The following KCNIP3 variants were observed in gnomAD, a reference collection of about 807,000 sequenced individuals.
KCNIP3 encodes potassium voltage-gated channel interacting protein 3.
A neutral mutation model predicts 35.0 loss-of-function variants in KCNIP3; 28 were observed. The ratio of observed to expected loss-of-function variants is 0.80; its 90% confidence interval spans 0.59 to 1.10. The LOEUF is 1.10. KCNIP3 is among the 50% of genes least tolerant of loss of function. The pLI, the probability that KCNIP3 is intolerant of heterozygous loss-of-function variation, is 0.00. For synonymous variants in KCNIP3, 134 were observed against 133.8 expected (o/e 1.00, Z -0.01); for missense variants, 295 against 338.4 (o/e 0.87, Z 1.01).
At chr2:95,369,360 T>C (rs535177495) in intron 2 of KCNIP3, among the ~76,000 whole-genome samples, 1 of 152,346 alleles carries the variant, frequency 6.6e-6, no homozygotes, top group South Asian at 2.1e-4. Flanking sequence ...TTCAATTTGC[T>C]AATATTTTGT....
At chr2:95,366,425 C>T (rs1255273368) in intron 2 of KCNIP3, among the ~76,000 whole-genome samples, 1 of 152,158 alleles carries the variant, frequency 6.6e-6, no homozygotes, top group African/African-American at 2.4e-5. Context: ...TACCACAGCT[C>T]ATCCACTCAC....
chr2:95,352,200 G>T (rs1173694672), intron 2 of KCNIP3, among the ~76,000 whole-genome samples: 1 of 152,160 alleles, frequency 6.6e-6, no homozygotes, highest in Admixed American at 6.5e-5. Context: ...ATTGCAGTTT[G>T]CCAAGATCAC....
In KCNIP3 at chr2:95,374,916, A is replaced by T. The variant is rs562593465; in HGVS notation, c.375A>T (p.Gly125=). The T allele has an allele frequency of 6.2e-7, 1 of 1,613,804 alleles. No individual in the cohort carries two copies. Among genetic ancestry groups the T allele is most frequent in the African/African-American group, 1.3e-5 (1 of 75,022 alleles). Residue 125 remains glycine, a splice_region_variant and synonymous_variant, in exon 4 of 9, where the codon GGA becomes GGT. Coordinates refer to ENST00000295225, the MANE Select transcript of KCNIP3 (RefSeq NM_013434.5). ...TTTACGCGCAGTTCTTCCCTCAGGGAGGTGAGTCTGAGGCAGGGCAGCCCT... is the reference window on the plus strand; with the variant it reads ...TTTACGCGCAGTTCTTCCCTCAGGGTGGTGAGTCTGAGGCAGGGCAGCCCT... ...KLIYAQFFPQ[G]DATTYAHFLF...
chr2:95,385,578 G>A lies in KCNIP3; in HGVS notation c.*1529G>A, dbSNP rs1345982861. On this transcript the variant is annotated 3_prime_UTR_variant, in exon 9 of 9. Coordinates refer to ENST00000295225, the MANE Select transcript of KCNIP3 (RefSeq NM_013434.5). ...CAGCTCCACTCAGGGCTGGCCCGGG[G>A]AGTCCCCGTGTGCCCCAAGAGGCTA... The A allele has an allele frequency of 6.5e-6, 1 of 152,802 alleles. No homozygotes were observed. The highest frequency in any genetic ancestry group is 2.4e-5 in the African/African-American group (1 of 41,472). 9.5% of individuals were successfully genotyped at this position (152,802 alleles called of 1,614,324 possible). A position where few individuals can be genotyped will look rare whatever the true frequency, so the allele number is the denominator to read the frequency against.
intron 1 of KCNIP3, among the ~76,000 whole-genome samples, chr2:95,299,747 T>A (rs1677973676): frequency 6.6e-6 from 1 of 152,214 alleles, no homozygotes; most frequent in Non-Finnish European, 1.5e-5. Context: ...CAGGGCACTG[T>A]GCGAGATGGG....
At chr2:95,366,456 A>G (rs1327131558) in intron 2 of KCNIP3, among the ~76,000 whole-genome samples, 4 of 152,180 alleles carry the variant, frequency 2.6e-5, no homozygotes, top group Non-Finnish European at 5.9e-5. Context: ...GCATTTGTAT[A>G]TACAGTTTGG....
At chr2:95,305,099 C>A (rs905782805) in intron 1 of KCNIP3, among the ~76,000 whole-genome samples, 4 of 152,156 alleles carry the variant, frequency 2.6e-5, no homozygotes, top group African/African-American at 9.7e-5. Context: ...TGGCTTCACT[C>A]GTCTCTGCCA....
intron 2 of KCNIP3, among the ~76,000 whole-genome samples, chr2:95,372,952 G>A (rs376931771): frequency 8.5e-5 from 13 of 152,206 alleles, no homozygotes; most frequent in Admixed American, 2.0e-4. Flanking sequence ...CCACGCTCTC[G>A]GGAGAGGCCT....
intron 2 of KCNIP3, among the ~76,000 whole-genome samples, chr2:95,324,804 G>C (rs1455336706): frequency 1.4e-4 from 22 of 151,906 alleles, no homozygotes; most frequent in Non-Finnish European, 2.8e-4. Flanking sequence ...CCAGCTACTC[G>C]GGAGGTTGAG....
intron 2 of KCNIP3, among the ~76,000 whole-genome samples, chr2:95,349,669 TGG>T (rs1679463499): frequency 6.6e-6 from 1 of 152,188 alleles, no homozygotes; most frequent in Non-Finnish European, 1.5e-5. Context: ...CAGCAGGGCA[TGG>T]GCCTGGCCAG....
chr2:95,370,864 G>A (rs1391591680), intron 2 of KCNIP3, among the ~76,000 whole-genome samples: 1 of 151,850 alleles, frequency 6.6e-6, no homozygotes, highest in East Asian at 1.9e-4. Context: ...GGGCTCAAGC[G>A]ATTCTCATGC....
At position 95,312,619 on chromosome 2, in the gene KCNIP3, A is replaced by G. The variant is rs534568840; in HGVS notation, c.181+2099A>G. 5 of 152,348 alleles carry G rather than the reference A, an allele frequency of 3.3e-5. 1 individual carries two copies. The highest frequency in any genetic ancestry group is 2.1e-4 in the South Asian group (1 of 4,830). 9.4% of individuals were successfully genotyped at this position (152,348 alleles called of 1,614,324 possible). ...AGCAGATGTGAACGACACATCCAAGAGCCTATTTGATTGTGCAAGGAAGGC... is the reference window on the plus strand; with the variant it reads ...AGCAGATGTGAACGACACATCCAAGGGCCTATTTGATTGTGCAAGGAAGGC... On this transcript the variant is annotated intron_variant, in intron 2 of 8. Coordinates refer to ENST00000295225, the MANE Select transcript of KCNIP3 (RefSeq NM_013434.5).
chr2:95,337,311 C>T (rs1490418787), intron 2 of KCNIP3, among the ~76,000 whole-genome samples: 1 of 151,774 alleles, frequency 6.6e-6, no homozygotes, highest in African/African-American at 2.4e-5. Flanking sequence ...CCTAGAGTTG[C>T]TGTACATACT....
At chr2:95,337,097 G>C (rs1679079465) in intron 2 of KCNIP3, among the ~76,000 whole-genome samples, 1 of 152,126 alleles carries the variant, frequency 6.6e-6, no homozygotes, top group African/African-American at 2.4e-5. Flanking sequence ...CATCTCAAAT[G>C]TTAGCTGCCT....
chr2:95,384,017 A>C lies in KCNIP3; in HGVS notation c.739A>C (p.Ser247Arg), dbSNP rs1680418912. 6.2e-7 allele frequency: 1 copy of C among 1,613,986 alleles called. No individual in the cohort carries two copies. The highest frequency in any genetic ancestry group is 1.3e-5 in the African/African-American group (1 of 75,036). Reference sequence around the variant, plus strand: ...CTCCATGCAGGATGAGAACATCATGAGCTCCATGCAGCTGTTTGAGAATGT... The same window carrying C: ...CTCCATGCAGGATGAGAACATCATGCGCTCCATGCAGCTGTTTGAGAATGT... Reference protein sequence around the residue: ...EACQKDENIMSSMQLFENVI With the variant: ...EACQKDENIMRSMQLFENVI Residue 247 changes from serine (S) to arginine (R), a missense_variant, in exon 9 of 9, where the codon AGC becomes CGC. Transcript: ENST00000295225.
At chr2:95,350,444 G>A (rs963911599) in intron 2 of KCNIP3, among the ~76,000 whole-genome samples, 6 of 152,166 alleles carry the variant, frequency 3.9e-5, no homozygotes, top group Admixed American at 2.0e-4. Context: ...GCAGCAGCTC[G>A]GGGAGGATTT....
intron 1 of KCNIP3, among the ~76,000 whole-genome samples, chr2:95,301,033 C>T (rs1170415607): frequency 6.6e-6 from 1 of 152,282 alleles, no homozygotes; most frequent in Non-Finnish European, 1.5e-5. Flanking sequence ...AAGTCCCCTG[C>T]ATCCCAGTCC....
At chr2:95,361,355 C>A (rs1679794274) in intron 2 of KCNIP3, among the ~76,000 whole-genome samples, 1 of 152,104 alleles carries the variant, frequency 6.6e-6, no homozygotes, top group South Asian at 2.1e-4. Context: ...ATTCCTGACA[C>A]CTCCCGCCAG....
intron 2 of KCNIP3, among the ~76,000 whole-genome samples, chr2:95,323,634 C>T (rs1401471856): frequency 1.3e-5 from 2 of 152,194 alleles, no homozygotes; most frequent in Admixed American, 1.3e-4. Flanking sequence ...ACCGCGTTTT[C>T]TGTTCCCACC....
Sources: allele counts gnomAD v4.1 joint callset (sites outside exome capture counted in the v4.1 genomes callset), GRCh38; gene constraint gnomAD v4.1.1; transcripts MANE v1.5; gene names NCBI Gene and HGNC (gene_info 2026-07-23, HGNC 2026-07-21).